TASP1: variants seen among roughly 807,000 people sequenced by gnomAD.
TASP1 encodes the protein threonine aspartase 1.
A neutral mutation model predicts 56.6 loss-of-function variants in TASP1; 16 were observed. That is an observed-to-expected ratio of 0.28 (90% CI 0.19 to 0.43). The LOEUF (loss-of-function observed/expected upper bound fraction) is 0.43, where lower values mean the gene tolerates loss of function less well. TASP1 is among the 20% of genes least tolerant of loss of function. The pLI is 1.00. For missense variants in TASP1, 393 were observed against 511.6 expected, an observed-to-expected ratio of 0.77 and a Z score of 2.24; for synonymous variants, 179 against 184.2, an observed-to-expected ratio of 0.97 and a Z score of 0.23.
rs1429151347 is a variant in TASP1, at chr20:13,508,421, A to G, written c.874+20012T>C. Among the ~76,000 whole-genome samples, 3 of 152,168 alleles carry G rather than the reference A, an allele frequency of 2.0e-5. No individual in the cohort carries two copies. The East Asian group carries it at 5.8e-4, about 29-fold the overall frequency. On this transcript the variant is annotated intron_variant, in intron 10 of 13. Transcript: ENST00000337743. ...AATTTGAAATTTTTTGAGTGCCAAC[A>G]TGATACTCAAAGGAAATGCTCATTG... is the stretch of plus-strand genomic sequence containing the variant.
the TASP1 span, among the ~76,000 whole-genome samples, chr20:13,325,502 T>C: frequency 6.7e-6 from 1 of 149,148 alleles, no homozygotes; most frequent in Non-Finnish European, 1.5e-5. Context: ...ACAGGAAAGG[T>C]GATAGGGGGA....
chr20:13,356,630 C>T, the TASP1 span, among the ~76,000 whole-genome samples: 1 of 152,196 alleles, frequency 6.6e-6, no homozygotes, highest in Non-Finnish European at 1.5e-5. Flanking sequence ...TCTTGCTTAT[C>T]AAAGCATGAG....
chr20:13,243,850 A>G, the TASP1 span, among the ~76,000 whole-genome samples: 1 of 152,216 alleles, frequency 6.6e-6, no homozygotes, highest in Non-Finnish European at 1.5e-5. Flanking sequence ...GGTTCAGAGT[A>G]TTTCTGCAGT....
At chr20:13,362,460 A>G in the TASP1 span, among the ~76,000 whole-genome samples, 27 of 142,976 alleles carry the variant, frequency 1.9e-4, no homozygotes, top group African/African-American at 7.5e-4. Flanking sequence ...TCCTGGCTCA[A>G]AAAGCTCCCC....
chr20:13,447,897 A>G (rs1231996460), intron 11 of TASP1, among the ~76,000 whole-genome samples: 1 of 152,122 alleles, frequency 6.6e-6, no homozygotes, highest in Non-Finnish European at 1.5e-5. Context: ...TATGTGTTGC[A>G]AATATTTTTC....
chr20:13,195,652 A>G, the TASP1 span, among the ~76,000 whole-genome samples: 5 of 152,064 alleles, frequency 3.3e-5, no homozygotes, highest in African/African-American at 1.2e-4. Flanking sequence ...GCTTACTGGG[A>G]CCACCTCCCA....
the TASP1 span, among the ~76,000 whole-genome samples, chr20:13,279,370 T>TA: frequency 6.6e-6 from 1 of 152,166 alleles, no homozygotes; most frequent in Non-Finnish European, 1.5e-5. Flanking sequence ...TGTTTCCAGC[T>TA]ATTAAGTTTT....
chr20:13,407,716 T>G (rs914286933), intron 13 of TASP1, among the ~76,000 whole-genome samples: 1 of 152,188 alleles, frequency 6.6e-6, no homozygotes, highest in Non-Finnish European at 1.5e-5. Context: ...GGGTTCCAAT[T>G]TCTCCACATC....
intron 8 of TASP1, among the ~76,000 whole-genome samples, chr20:13,552,861 C>G (rs2040330276): frequency 6.6e-6 from 1 of 152,066 alleles, no homozygotes; most frequent in Admixed American, 6.6e-5. Context: ...TTACTTTTTT[C>G]TGTTTCCATA....
chr20:13,325,686 A>AC, the TASP1 span, among the ~76,000 whole-genome samples: 1 of 152,220 alleles, frequency 6.6e-6, no homozygotes, highest in Non-Finnish European at 1.5e-5. Context: ...CAAAACTGTG[A>AC]CATGTGGGTA....
At position 13,527,327 on chromosome 20, in the gene TASP1, T is replaced by C. The variant is rs79498612; in HGVS notation, c.874+1106A>G. ...GTTAGTGTGGTGGGGCAGAAACCAA[T>C]GTGATAAGAAATTGGAGAGAGAAAG... On this transcript the variant is annotated intron_variant, in intron 10 of 13. Transcript: ENST00000337743. 5.0e-3 allele frequency among the ~76,000 whole-genome samples: 757 copies of C among 152,060 alleles called. 5 individuals are homozygous for C. Among genetic ancestry groups the C allele is most frequent in the African/African-American group, 0.015 (617 of 41,480 alleles).
At chr20:13,275,958 T>A in the TASP1 span, among the ~76,000 whole-genome samples, 1 of 152,210 alleles carries the variant, frequency 6.6e-6, no homozygotes, top group Non-Finnish European at 1.5e-5. Context: ...TAGATTGGCG[T>A]GCTGCAAGTC....
At chr20:13,572,757 C>T (rs1290878504) in intron 6 of TASP1, among the ~76,000 whole-genome samples, 1 of 150,194 alleles carries the variant, frequency 6.7e-6, no homozygotes, top group African/African-American at 2.5e-5. Context: ...CTGAAACGGA[C>T]TATCTGGGCA....
In TASP1 at chr20:13,390,365, T is replaced by TCA; in HGVS notation, c.1256_1257dup (p.Asn420Ter). ...TTCACACTCAGCCTGAAGGGTCAGT[T>TCA]CACTGGGCTCTCCAGGCGGCACACC... On this transcript the variant is annotated frameshift_variant, in exon 14 of 14. Transcript: ENST00000337743. LOFTEE classifies it high-confidence loss of function. The TCA allele has an allele frequency of 6.2e-7, 1 of 1,613,976 alleles. No homozygotes were observed. The highest frequency in any genetic ancestry group is 8.5e-7 in the Non-Finnish European group (1 of 1,179,910).
chr20:13,327,134 G>A, the TASP1 span, among the ~76,000 whole-genome samples: 4 of 152,222 alleles, frequency 2.6e-5, no homozygotes, highest in Non-Finnish European at 4.4e-5. Flanking sequence ...GAAAATCAAC[G>A]TGCAAAAATC....
At chr20:13,312,459 G>T in the TASP1 span, among the ~76,000 whole-genome samples, 1 of 152,190 alleles carries the variant, frequency 6.6e-6, no homozygotes, top group Non-Finnish European at 1.5e-5. Context: ...ACAACGCCCT[G>T]CAACTTCTCC....
intron 8 of TASP1, among the ~76,000 whole-genome samples, chr20:13,548,478 C>T (rs1369692250): frequency 1.3e-5 from 2 of 152,096 alleles, no homozygotes; most frequent in African/African-American, 4.8e-5. Context: ...TAGATTCATC[C>T]ATTCAAATAA....
chr20:13,534,869 G>C (rs2045355771), intron 8 of TASP1, among the ~76,000 whole-genome samples: 1 of 152,164 alleles, frequency 6.6e-6, no homozygotes, highest in Non-Finnish European at 1.5e-5. Context: ...ACCTGTGCAA[G>C]AGAGACAAAC....
At chr20:13,345,809 G>A in the TASP1 span, among the ~76,000 whole-genome samples, 2 of 151,298 alleles carry the variant, frequency 1.3e-5, no homozygotes, top group Non-Finnish European at 3.0e-5. Context: ...CAGGGGGGCA[G>A]CTGAGGATGG....
Sources: gnomAD v4.1 joint callset for allele counts (sites outside exome capture counted in the v4.1 genomes callset) on GRCh38, gnomAD v4.1.1 for gene constraint, MANE v1.5 for transcripts, NCBI Gene and HGNC (gene_info 2026-07-23, HGNC 2026-07-21) for gene names.